CRTC3: variants seen among roughly 807,000 people sequenced by gnomAD.
CRTC3 encodes the protein CREB regulated transcription coactivator 3.
CRTC3 carries 26 observed loss-of-function variants against 74.5 expected under a neutral mutation model. The ratio of observed to expected loss-of-function variants is 0.35; its 90% CI spans 0.26 to 0.48. The LOEUF is 0.48. CRTC3 is among the 20% of genes least tolerant of loss of function. The probability of loss-of-function intolerance (pLI) is 0.99; values close to 1 mark genes in which losing one functional copy is unlikely to be tolerated. For missense variants in CRTC3, 760 were observed against 787.3 expected (o/e 0.97, Z 0.41); for synonymous variants, 377 against 325.8 (o/e 1.16, Z -1.69).
chr15:90,623,902 C>T (rs956457771), intron 9 of CRTC3, among the ~76,000 whole-genome samples: 13 of 152,202 alleles, frequency 8.5e-5, no homozygotes, highest in African/African-American at 2.9e-4. Flanking sequence ...CCTGCTTTTG[C>T]GCATGCTGTG....
chr15:90,620,101 G>C, intron 9 of CRTC3: 1 of 316,512 alleles, frequency 3.2e-6, no homozygotes, highest in Non-Finnish European at 5.9e-6. Context: ...TGCAGGAATC[G>C]AGAGGAGCCT....
At chr15:90,611,936 G>T (rs1968364757) in intron 6 of CRTC3, among the ~76,000 whole-genome samples, 1 of 151,670 alleles carries the variant, frequency 6.6e-6, no homozygotes, top group African/African-American at 2.4e-5. Flanking sequence ...GCCTGCTTCG[G>T]TCCAGCCCAT....
At chr15:90,616,179 G>C (rs1256040931) in intron 7 of CRTC3, among the ~76,000 whole-genome samples, 1 of 152,194 alleles carries the variant, frequency 6.6e-6, no homozygotes, top group African/African-American at 2.4e-5. Context: ...TCAAAAGAGA[G>C]TGATGTAAAT....
At chr15:90,532,351 C>T (rs1322844908) in intron 1 of CRTC3, among the ~76,000 whole-genome samples, 2 of 152,182 alleles carry the variant, frequency 1.3e-5, no homozygotes, top group African/African-American at 2.4e-5. Context: ...ATGAAGAATG[C>T]GTCTCTAAGG....
chr15:90,563,115 A>G (rs904527664), intron 2 of CRTC3, among the ~76,000 whole-genome samples: 4 of 152,174 alleles, frequency 2.6e-5, no homozygotes, highest in African/African-American at 7.2e-5. Flanking sequence ...AGCATTTAAA[A>G]GTTAAACGGG....
At chr15:90,633,213 C>CT (rs1200498911) in intron 11 of CRTC3, among the ~76,000 whole-genome samples, 1 of 151,834 alleles carries the variant, frequency 6.6e-6, no homozygotes, top group African/African-American at 2.4e-5. Flanking sequence ...AAATGTCTGA[C>CT]TTTTTTTATT....
At chr15:90,580,708 G>A (rs533014931) in intron 2 of CRTC3, among the ~76,000 whole-genome samples, 12 of 152,136 alleles carry the variant, frequency 7.9e-5, no homozygotes, top group African/African-American at 2.4e-4. Flanking sequence ...GATTATAGGC[G>A]TGAGCCACTG....
At chr15:90,603,287 C>A (rs1435531616) in intron 4 of CRTC3, among the ~76,000 whole-genome samples, 4 of 148,696 alleles carry the variant, frequency 2.7e-5, no homozygotes, top group African/African-American at 9.9e-5. Context: ...ACTAAAAATA[C>A]AAAAAAGTAG....
intron 13 of CRTC3, 148 bp downstream of exon 13, chr15:90,638,963 T>G: frequency 1.4e-6 from 1 of 695,378 alleles, no homozygotes; most frequent in Non-Finnish European, 2.5e-6. Flanking sequence ...CCTTTCATCT[T>G]CTTTGGCCCT....
chr15:90,625,152 T>C (rs1968787508), intron 9 of CRTC3: 1 of 153,502 alleles, frequency 6.5e-6, no homozygotes, highest in South Asian at 2.0e-4. Context: ...AAACAGATGG[T>C]ATGCGGGCCT....
chr15:90,544,162 T>C (rs925645657), intron 2 of CRTC3, among the ~76,000 whole-genome samples: 5 of 152,208 alleles, frequency 3.3e-5, no homozygotes, highest in African/African-American at 1.2e-4. Context: ...GAATCCCTCC[T>C]TGTCTCTTCC....
At chr15:90,560,313 C>A (rs28734905) in intron 2 of CRTC3, among the ~76,000 whole-genome samples, 3,514 of 152,262 alleles carry the variant, frequency 0.023, 142 homozygotes, top group African/African-American at 0.079. Context: ...ATCCTTGGTT[C>A]TACCAGATTC....
At chr15:90,582,871 G>A (rs1210621353) in intron 2 of CRTC3, among the ~76,000 whole-genome samples, 2 of 152,150 alleles carry the variant, frequency 1.3e-5, no homozygotes, top group African/African-American at 4.8e-5. Flanking sequence ...GCTCCATCAG[G>A]GTCAGGGAAT....
intron 3 of CRTC3, 128 bp downstream of exon 3, chr15:90,593,883 A>C: frequency 1.1e-6 from 1 of 938,158 alleles, no homozygotes; most frequent in Non-Finnish European, 1.5e-6. Context: ...GAGGCAATAC[A>C]AATAAATGAG....
intron 3 of CRTC3, chr15:90,598,830 C>T (rs1967996557): frequency 6.5e-6 from 2 of 306,286 alleles, no homozygotes; most frequent in South Asian, 7.6e-5. Context: ...ATGCGATTGG[C>T]CAAGGCGAGC....
At position 90,537,885 on chromosome 15, in the gene CRTC3, G is replaced by A. The variant is rs1014578550; in HGVS notation, c.133-2154G>A. ...TTTCACCGTGTTGGCCAGGCTAGCC[G>A]TGTTCTTTTTTAACAGTCTTTGAAG... is the stretch of plus-strand genomic sequence containing the variant. On this transcript the variant is annotated intron_variant, in intron 1 of 14. Transcript: ENST00000268184. 3.3e-5 allele frequency among the ~76,000 whole-genome samples: 5 copies of A among 152,200 alleles called. No homozygotes were observed. In the South Asian group the frequency reaches 6.2e-4, roughly 19 times the overall value.
chr15:90,530,472 CGGGCGGCCGTGCGA>C lies in CRTC3; in HGVS notation c.132+278_132+291del, dbSNP rs1017297208. On this transcript the variant is annotated intron_variant, in intron 1 of 14. Coordinates refer to ENST00000268184, the MANE Select transcript of CRTC3 (RefSeq NM_022769.5). This position sits in a 1 kb window ranked among gnomAD's most constrained non-coding sequence, Gnocchi z 6.2. ...TGGGCAGGGGTGAAGCCCGTGGAGG[CGGGCGGCCGTGCGA>C]GGGCGGCCTGAGGGGGAGGAGGACG... The C allele has an allele frequency of 6.5e-6, 1 of 153,208 alleles. No homozygotes were observed. The highest frequency in any genetic ancestry group is 1.4e-5 in the Non-Finnish European group (1 of 69,078). 9.5% of individuals were successfully genotyped at this position (153,208 alleles called of 1,614,324 possible).
rs951665112 is a variant in CRTC3 at position 90,634,760 on chromosome 15, C to T, written c.1267-3686C>T. The T allele has an allele frequency of 4.4e-5, 47 of 1,075,444 alleles. No homozygotes were observed. In the Middle Eastern group the frequency reaches 1.4e-3, roughly 32 times the overall value. The allele number at this position is 1,075,444 out of a possible 1,614,324, so 66.6% of individuals were successfully genotyped here. On this transcript the variant is annotated intron_variant, in intron 11 of 14. Coordinates refer to ENST00000268184, the MANE Select transcript of CRTC3 (RefSeq NM_022769.5). ...AAGCGTGTAGAAAGTTTTTTCCACT[C>T]TCTGACTGAGTATTGGTTGGAAGGA...
intron 6 of CRTC3, among the ~76,000 whole-genome samples, chr15:90,612,043 TCCTCCTCCTCCTCCGCCTCCA>T (rs1242612223): frequency 8.4e-5 from 10 of 119,376 alleles, no homozygotes; most frequent in East Asian, 2.9e-4. Context: ...CTCCTCCTCC[TCCTCCTCCTCCTCCGCCTCCA>T]CCTCCTCCTC....
Sources: allele counts gnomAD v4.1 joint callset (sites outside exome capture counted in the v4.1 genomes callset), GRCh38; gene constraint gnomAD v4.1.1; non-coding constraint Gnocchi (gnomAD v3.1); transcripts MANE v1.5; gene names NCBI Gene and HGNC (gene_info 2026-07-23, HGNC 2026-07-21).